KSR2: variants seen among roughly 807,000 people sequenced by gnomAD.
The protein encoded by KSR2 is kinase suppressor of ras 2.
Under a neutral mutation model 107.8 loss-of-function variants are expected in KSR2, and 25 were observed. The observed-to-expected ratio is 0.23, with a 90% CI of 0.17 to 0.32. The LOEUF (loss-of-function observed/expected upper bound fraction) is 0.32, where lower values mean the gene tolerates loss of function less well. Ranked by LOEUF, KSR2 falls within the 10% of genes least tolerant of loss-of-function variation. The pLI is 1.00. For missense variants in KSR2, 887 were observed against 1,268.9 expected (o/e 0.70, Z 4.57); for synonymous variants, 480 against 507.0 (o/e 0.95, Z 0.71).
At chr12:117,507,936 T>C (rs1407128518) in intron 14 of KSR2, among the ~76,000 whole-genome samples, 10 of 152,016 alleles carry the variant, frequency 6.6e-5, no homozygotes. Flanking sequence ...AGCCTATCCT[T>C]TTCCCCTCCA....
At chr12:117,507,376 T>C (rs1873762694) in intron 14 of KSR2, among the ~76,000 whole-genome samples, 1 of 152,212 alleles carries the variant, frequency 6.6e-6, no homozygotes, top group African/African-American at 2.4e-5. Context: ...AATAAGGGAA[T>C]GAGTTTAAGG....
In KSR2 at chr12:117,455,965, T is replaced by C. The variant is rs766148692; in HGVS notation, c.*11234A>G. On this transcript the variant is annotated 3_prime_UTR_variant, in exon 20 of 20. Coordinates refer to ENST00000339824, the MANE Select transcript of KSR2 (RefSeq NM_173598.6). ...AGTCAGAGAAGCTCATGTGACAGCA[T>C]GCCTGACATGCCACCATATGGGCTT... 3.9e-5 allele frequency: 6 copies of C among 152,222 alleles called. No homozygotes were observed. The highest frequency in any genetic ancestry group is 8.8e-5 in the Non-Finnish European group (6 of 68,042). 9.4% of individuals were successfully genotyped at this position (152,222 alleles called of 1,614,324 possible). A position where few individuals can be genotyped will look rare whatever the true frequency, so the allele number is the denominator to read the frequency against.
intron 1 of KSR2, among the ~76,000 whole-genome samples, chr12:117,892,914 A>T (rs1483496552): frequency 6.6e-6 from 1 of 151,994 alleles, no homozygotes; most frequent in Non-Finnish European, 1.5e-5. Flanking sequence ...TGTCCTAATC[A>T]GCACAAGACA....
chr12:117,491,204 G>C (rs1872726045), intron 14 of KSR2, among the ~76,000 whole-genome samples: 1 of 152,096 alleles, frequency 6.6e-6, no homozygotes, highest in Non-Finnish European at 1.5e-5. Flanking sequence ...TTTTGAGATG[G>C]AGTCTCACTG....
intron 4 of KSR2, among the ~76,000 whole-genome samples, chr12:117,716,934 T>C (rs1310035820): frequency 6.6e-6 from 1 of 152,256 alleles, no homozygotes; most frequent in African/African-American, 2.4e-5. Flanking sequence ...CCTCCCACGC[T>C]GGCTCCTGGA....
intron 14 of KSR2, among the ~76,000 whole-genome samples, chr12:117,522,969 C>A (rs1262033074): frequency 6.6e-6 from 1 of 152,206 alleles, no homozygotes; most frequent in Non-Finnish European, 1.5e-5. Context: ...AACAGCTCAG[C>A]CCCTGAAGAT....
intron 14 of KSR2, among the ~76,000 whole-genome samples, chr12:117,501,695 A>G (rs1223959292): frequency 1.3e-5 from 2 of 152,236 alleles, no homozygotes; most frequent in Admixed American, 6.5e-5. Flanking sequence ...GGGCCAGTGC[A>G]TATGTAGCCA....
chr12:117,653,341 T>C (rs145899231), intron 5 of KSR2, among the ~76,000 whole-genome samples: 208 of 152,370 alleles, frequency 1.4e-3, no homozygotes, highest in African/African-American at 4.9e-3. Flanking sequence ...TTCCTGTCCA[T>C]AAAGCCCACC....
chr12:117,796,101 A>AT (rs937900821), intron 3 of KSR2, among the ~76,000 whole-genome samples: 3 of 127,896 alleles, frequency 2.3e-5, no homozygotes, highest in East Asian at 2.8e-4. Context: ...TAATTTTTTA[A>AT]TTTTTTTGTA....
chr12:117,668,579 C>T (rs559348977), intron 4 of KSR2, among the ~76,000 whole-genome samples: 1 of 152,180 alleles, frequency 6.6e-6, no homozygotes, highest in South Asian at 2.1e-4. Context: ...GGGCCAGACT[C>T]CCCAGATTCA....
intron 1 of KSR2, among the ~76,000 whole-genome samples, chr12:117,958,543 G>A (rs193161418): frequency 1.1e-4 from 16 of 152,220 alleles, no homozygotes; most frequent in Admixed American, 2.6e-4. Flanking sequence ...GATGGGGGCC[G>A]GGCATGGTGG....
intron 9 of KSR2, among the ~76,000 whole-genome samples, chr12:117,550,680 T>C (rs1034381305): frequency 2.0e-5 from 3 of 152,082 alleles, no homozygotes; most frequent in African/African-American, 7.2e-5. Context: ...CCAAAGGTCA[T>C]AAGGAGTAGG....
intron 7 of KSR2, among the ~76,000 whole-genome samples, chr12:117,577,366 A>T (rs67793485): frequency 7.6e-5 from 11 of 144,934 alleles, no homozygotes; most frequent in African/African-American, 2.7e-4. Flanking sequence ...AGAGAGAGAG[A>T]GGGGGGGAGA....
At chr12:117,863,381 A>T (rs1189046579) in intron 1 of KSR2, among the ~76,000 whole-genome samples, 2 of 152,168 alleles carry the variant, frequency 1.3e-5, no homozygotes, top group African/African-American at 4.8e-5. Context: ...CATTTAGAAG[A>T]CAGCAGAGCC....
rs191467583 is a variant in KSR2, at chr12:117,718,850, C to T, written c.986+42161G>A. ...CTGCGTGTTGATCCCCGCTATGTCC[C>T]CTCTGCCATACCATCATGAACATGG... is the stretch of plus-strand genomic sequence containing the variant. On this transcript the variant is annotated intron_variant, in intron 4 of 19. Transcript: ENST00000339824. Among the ~76,000 whole-genome samples, 621 of 152,254 alleles carry T rather than the reference C, an allele frequency of 4.1e-3. 1 individual carries two copies. The highest frequency in any genetic ancestry group is 7.8e-3 in the Non-Finnish European group (533 of 68,028).
intron 14 of KSR2, among the ~76,000 whole-genome samples, chr12:117,514,660 T>G (rs1284603166): frequency 6.6e-6 from 1 of 151,822 alleles, no homozygotes; most frequent in Admixed American, 6.6e-5. Flanking sequence ...GCAATCCTTC[T>G]GTCTCAGCCT....
chr12:117,928,262 C>T (rs891551784), intron 1 of KSR2, among the ~76,000 whole-genome samples: 2 of 151,642 alleles, frequency 1.3e-5, no homozygotes, highest in African/African-American at 4.8e-5. Context: ...TCACTGCAAC[C>T]TCTGCTGCCT....
intron 1 of KSR2, among the ~76,000 whole-genome samples, chr12:117,885,523 T>G (rs964847216): frequency 4.6e-5 from 7 of 152,072 alleles, no homozygotes; most frequent in Admixed American, 6.6e-5. Context: ...TGTGTGTCTG[T>G]TTTTTTATAA....
At chr12:117,771,035 C>CTTT (rs1889434100) in intron 3 of KSR2, among the ~76,000 whole-genome samples, 1 of 151,354 alleles carries the variant, frequency 6.6e-6, no homozygotes, top group Non-Finnish European at 1.5e-5. Flanking sequence ...GCACTTTATG[C>CTTT]ATGTATTCAA....
Sources: gnomAD v4.1 joint callset for allele counts (sites outside exome capture counted in the v4.1 genomes callset) on GRCh38, gnomAD v4.1.1 for gene constraint, MANE v1.5 for transcripts, NCBI Gene and HGNC (gene_info 2026-07-23, HGNC 2026-07-21) for gene names.